The following ERC1 variants were observed in gnomAD, a reference collection of about 807,000 sequenced individuals.
The protein encoded by ERC1 is ELKS/RAB6-interacting/CAST family member 1.
In ERC1, 56 loss-of-function variants were observed where a neutral mutation model predicts 132.0. The observed-to-expected ratio is 0.42, with a 90% CI of 0.34 to 0.53. ERC1 has a LOEUF of 0.53. ERC1 is among the 20% of genes least tolerant of loss of function. The probability of loss-of-function intolerance (pLI) is 0.03; values close to 1 mark genes in which losing one functional copy is unlikely to be tolerated. For synonymous variants in ERC1, 478 were observed against 476.1 expected (o/e 1.00, Z -0.05); for missense variants, 1,202 against 1,349.9 (o/e 0.89, Z 1.72).
chr12:1,274,285 A>G (rs1346678987), intron 14 of ERC1, among the ~76,000 whole-genome samples: 2 of 152,144 alleles, frequency 1.3e-5, no homozygotes, highest in Admixed American at 6.5e-5. Flanking sequence ...ACTTTACTGA[A>G]CCAAATGAGT....
chr12:1,041,240 C>T (rs1050994231), intron 2 of ERC1, among the ~76,000 whole-genome samples: 3 of 148,654 alleles, frequency 2.0e-5, no homozygotes, highest in Admixed American at 6.7e-5. Flanking sequence ...AGAGCCTTTG[C>T]ACTGTTTCCT....
At chr12:1,004,619 C>G (rs567243095) in intron 1 of ERC1, among the ~76,000 whole-genome samples, 3 of 151,970 alleles carry the variant, frequency 2.0e-5, no homozygotes, top group East Asian at 3.9e-4. Flanking sequence ...GTTGGCCAGG[C>G]TGGTCTCAAA....
At chr12:1,281,804 T>C (rs1019390407) in intron 14 of ERC1, among the ~76,000 whole-genome samples, 1 of 152,222 alleles carries the variant, frequency 6.6e-6, no homozygotes, top group Non-Finnish European at 1.5e-5. Context: ...TTAGTTTTGA[T>C]GCTGTGCTGT....
intron 12 of ERC1, 117 bp from the exon 13 acceptor site, chr12:1,236,652 G>C: frequency 2.0e-6 from 2 of 1,002,680 alleles, no homozygotes; most frequent in Non-Finnish European, 2.8e-6. Flanking sequence ...TTCGCAGCAT[G>C]TATTTATTCG....
intron 8 of ERC1, among the ~76,000 whole-genome samples, chr12:1,162,487 G>GT (rs60402999): frequency 0.031 from 4,380 of 141,960 alleles, 94 homozygotes; most frequent in East Asian, 0.13. Flanking sequence ...TCCTAGGTTT[G>GT]TTTTTTTTTT....
intron 2 of ERC1, among the ~76,000 whole-genome samples, chr12:1,080,997 G>GA (rs1344877449): frequency 1.3e-5 from 2 of 152,064 alleles, no homozygotes; most frequent in Non-Finnish European, 2.9e-5. Flanking sequence ...AAGTATGAGG[G>GA]ATCTGAAACC....
At chr12:1,418,659 C>CTT (rs1447690379) in intron 17 of ERC1, among the ~76,000 whole-genome samples, 1 of 110,886 alleles carries the variant, frequency 9.0e-6, no homozygotes, top group African/African-American at 3.8e-5. Flanking sequence ...CTCTCTCTCT[C>CTT]TCTTTCTTTT....
intron 7 of ERC1, among the ~76,000 whole-genome samples, chr12:1,135,923 C>T (rs969944975): frequency 6.6e-6 from 1 of 152,128 alleles, no homozygotes; most frequent in Non-Finnish European, 1.5e-5. Context: ...GGATTTCTAG[C>T]TCATATTCAG....
At chr12:1,183,864 G>A (rs1033808130) in intron 11 of ERC1, among the ~76,000 whole-genome samples, 1 of 151,988 alleles carries the variant, frequency 6.6e-6, no homozygotes, top group South Asian at 2.1e-4. Context: ...AAGAAAAAAC[G>A]GTGGCTCATG....
At chr12:1,047,082 GGTCT>G (rs2154165687) in intron 2 of ERC1, among the ~76,000 whole-genome samples, 1 of 152,164 alleles carries the variant, frequency 6.6e-6, no homozygotes, top group East Asian at 1.9e-4. Flanking sequence ...TTTCCCCAGA[GGTCT>G]GTTGATTGAA....
intron 12 of ERC1, among the ~76,000 whole-genome samples, chr12:1,207,461 T>C (rs1055066512): frequency 2.0e-5 from 3 of 152,228 alleles, no homozygotes; most frequent in African/African-American, 7.2e-5. Flanking sequence ...CTTTCGCTTT[T>C]TTAAGCAACT....
chr12:1,222,260 C>T (rs1035423753), intron 12 of ERC1, among the ~76,000 whole-genome samples: 5 of 148,720 alleles, frequency 3.4e-5, no homozygotes, highest in Non-Finnish European at 7.4e-5. Context: ...GACAGGGTCT[C>T]GCTCTGTCAC....
chr12:1,481,795 A>C (rs947992648), intron 18 of ERC1, among the ~76,000 whole-genome samples: 2 of 151,786 alleles, frequency 1.3e-5, no homozygotes, highest in African/African-American at 2.4e-5. Flanking sequence ...CCTTAATCTT[A>C]TTCCACCATT....
chr12:1,066,444 C>T (rs935543802), intron 2 of ERC1, among the ~76,000 whole-genome samples: 3 of 152,148 alleles, frequency 2.0e-5, no homozygotes, highest in South Asian at 2.1e-4. Flanking sequence ...AGGGACTGGA[C>T]GGTAGGGGGC....
intron 11 of ERC1, among the ~76,000 whole-genome samples, chr12:1,189,520 A>T (rs1015718395): frequency 6.6e-5 from 10 of 152,182 alleles, no homozygotes; most frequent in African/African-American, 1.9e-4. Context: ...GCCTTTTGAT[A>T]TTCTCTTGGA....
intron 2 of ERC1, among the ~76,000 whole-genome samples, chr12:1,034,019 A>G (rs1334263011): frequency 1.3e-5 from 2 of 152,216 alleles, no homozygotes; most frequent in African/African-American, 4.8e-5. Context: ...TTAAGTATCA[A>G]TATAACCTAG....
chr12:1,341,294 G>A (rs900936828), intron 15 of ERC1, among the ~76,000 whole-genome samples: 2 of 151,166 alleles, frequency 1.3e-5, no homozygotes, highest in African/African-American at 2.4e-5. Flanking sequence ...ACAGGGTTTC[G>A]CCATGTTCAC....
chr12:1,183,007 A>G (rs1032664891), intron 10 of ERC1, among the ~76,000 whole-genome samples: 2 of 152,202 alleles, frequency 1.3e-5, no homozygotes, highest in African/African-American at 2.4e-5. Context: ...GACTACTTAC[A>G]TTCACAAAGC....
At chr12:1,134,417 G>T (rs1949057638) in intron 7 of ERC1, among the ~76,000 whole-genome samples, 1 of 151,198 alleles carries the variant, frequency 6.6e-6, no homozygotes, top group Non-Finnish European at 1.5e-5. Context: ...TGTGATCATA[G>T]CTCACTGCAG....
Sources: allele counts gnomAD v4.1 joint callset (sites outside exome capture counted in the v4.1 genomes callset), GRCh38; gene constraint gnomAD v4.1.1; transcripts MANE v1.5; gene names NCBI Gene and HGNC (gene_info 2026-07-23, HGNC 2026-07-21).